FAM135B: variants seen among roughly 807,000 people sequenced by gnomAD.
FAM135B encodes protein FAM135B.
Under a neutral mutation model 127.7 loss-of-function variants are expected in FAM135B, and 43 were observed. The observed-to-expected ratio is 0.34, with a 90% confidence interval of 0.26 to 0.43. The LOEUF (loss-of-function observed/expected upper bound fraction) is 0.43. Among genes scored for constraint, FAM135B ranks in the 20% least tolerant of loss-of-function variants. FAM135B has a pLI of 1.00. For synonymous variants in FAM135B, 670 were observed against 665.1 expected, an observed-to-expected ratio of 1.01 and a Z score of -0.11; for missense variants, 1,558 against 1,725.6, an observed-to-expected ratio of 0.90 and a Z score of 1.72.
intron 1 of FAM135B, among the ~76,000 whole-genome samples, chr8:138,415,394 A>G (rs1436018594): frequency 6.6e-6 from 1 of 152,060 alleles, no homozygotes; most frequent in African/African-American, 2.4e-5. Flanking sequence ...ACCTCACAAC[A>G]CTCTCATAGC....
intron 1 of FAM135B, among the ~76,000 whole-genome samples, chr8:138,427,384 T>C (rs1834951915): frequency 6.6e-6 from 1 of 151,930 alleles, no homozygotes; most frequent in African/African-American, 2.4e-5. Flanking sequence ...CACTGAATTT[T>C]GAGACATGGC....
chr8:138,212,718 C>G (rs1402378891), intron 7 of FAM135B, among the ~76,000 whole-genome samples: 1 of 152,164 alleles, frequency 6.6e-6, no homozygotes, highest in Non-Finnish European at 1.5e-5. Flanking sequence ...CATTTTACTT[C>G]CATTTGTTCT....
At chr8:138,140,770 T>C (rs536744688) in intron 17 of FAM135B, among the ~76,000 whole-genome samples, 2 of 152,126 alleles carry the variant, frequency 1.3e-5, no homozygotes, top group South Asian at 2.1e-4. Flanking sequence ...CACACACACA[T>C]AACCTCCATT....
At chr8:138,383,693 C>A (rs1832009448) in intron 1 of FAM135B, among the ~76,000 whole-genome samples, 1 of 152,196 alleles carries the variant, frequency 6.6e-6, no homozygotes, top group Non-Finnish European at 1.5e-5. Flanking sequence ...TTAAGGAAGG[C>A]CATCTCTGTG....
intron 12 of FAM135B, among the ~76,000 whole-genome samples, chr8:138,164,853 T>C (rs577768096): frequency 6.6e-6 from 1 of 152,300 alleles, no homozygotes; most frequent in South Asian, 2.1e-4. Context: ...AAAATAAACT[T>C]TCTAAATTAA....
At chr8:138,474,516 G>C (rs1048850360) in intron 1 of FAM135B, among the ~76,000 whole-genome samples, 2 of 152,122 alleles carry the variant, frequency 1.3e-5, no homozygotes, top group African/African-American at 2.4e-5. Flanking sequence ...ATGCAAGCTT[G>C]TTGGGGACAT....
chr8:138,159,083 T>G (rs1819078353), intron 12 of FAM135B, among the ~76,000 whole-genome samples: 2 of 149,280 alleles, frequency 1.3e-5, no homozygotes, highest in African/African-American at 4.9e-5. Flanking sequence ...CCATCCTGGC[T>G]AACAAGGTGA....
At chr8:138,380,510 T>A (rs1831783943) in intron 1 of FAM135B, among the ~76,000 whole-genome samples, 1 of 152,126 alleles carries the variant, frequency 6.6e-6, no homozygotes. Context: ...TAGGTTTTAA[T>A]ACCTCACGCA....
intron 1 of FAM135B, among the ~76,000 whole-genome samples, chr8:138,424,215 G>C (rs1243841473): frequency 3.3e-5 from 5 of 152,156 alleles, no homozygotes; most frequent in African/African-American, 1.2e-4. Context: ...GAAATCACAA[G>C]GGTATTGATT....
intron 9 of FAM135B, among the ~76,000 whole-genome samples, chr8:138,186,211 G>A (rs760557960): frequency 1.3e-5 from 2 of 152,152 alleles, no homozygotes; most frequent in African/African-American, 2.4e-5. Flanking sequence ...CATCAGCAGG[G>A]TCCACCTTAT....
rs572742711 is a variant in FAM135B, at chr8:138,133,268, A to T, written c.4016-470T>A. Among the ~76,000 whole-genome samples the T allele has an allele frequency of 3.9e-5, 6 of 152,324 alleles. No individual in the cohort carries two copies. The South Asian group carries it at 6.2e-4, about 16-fold the overall frequency. ...ATTTCACCCGACTCCTCTGATTCCA[A>T]AGAAGGAGAATGCAGTTTTCTTTAT... On this transcript the variant is annotated intron_variant, in intron 19 of 19. Transcript: ENST00000395297.
intron 1 of FAM135B, among the ~76,000 whole-genome samples, chr8:138,410,837 C>A (rs185885436): frequency 6.6e-6 from 1 of 152,090 alleles, no homozygotes. Context: ...TGTACTTATA[C>A]GCCAACAACA....
intron 2 of FAM135B, among the ~76,000 whole-genome samples, chr8:138,355,561 G>A (rs1437005317): frequency 6.6e-6 from 1 of 152,104 alleles, no homozygotes; most frequent in Non-Finnish European, 1.5e-5. Context: ...CTTTTATTAT[G>A]GAAATGTGAG....
intron 1 of FAM135B, among the ~76,000 whole-genome samples, chr8:138,379,166 T>C (rs762019366): frequency 6.6e-6 from 1 of 152,168 alleles, no homozygotes; most frequent in Non-Finnish European, 1.5e-5. Flanking sequence ...ACAAGGAGCA[T>C]ACTGTCTCCA....
At chr8:138,367,701 TTCTAG>T (rs1245239980) in intron 2 of FAM135B, among the ~76,000 whole-genome samples, 1 of 152,036 alleles carries the variant, frequency 6.6e-6, no homozygotes, top group African/African-American at 2.4e-5. Context: ...AATTAGCACT[TTCTAG>T]TCTCTGTCAA....
intron 1 of FAM135B, among the ~76,000 whole-genome samples, chr8:138,475,920 T>A (rs562672569): frequency 1.3e-5 from 2 of 152,226 alleles, no homozygotes; most frequent in Non-Finnish European, 2.9e-5. Context: ...TGAATGTTTA[T>A]AGTAGCTTTA....
At chr8:138,197,769 T>C (rs919632599) in intron 7 of FAM135B, 100 bp from the exon 8 acceptor site, 16 of 1,343,990 alleles carry the variant, frequency 1.2e-5, no homozygotes, top group Non-Finnish European at 1.6e-5. Flanking sequence ...ATTCACAAAA[T>C]GTTTGGAGGT....
intron 7 of FAM135B, among the ~76,000 whole-genome samples, chr8:138,231,316 T>C (rs1438527899): frequency 6.6e-6 from 1 of 152,184 alleles, no homozygotes; most frequent in Non-Finnish European, 1.5e-5. Context: ...CCACTGCTCC[T>C]GTCCTCAAGA....
At chr8:138,276,751 G>A (rs1179765088) in intron 3 of FAM135B, among the ~76,000 whole-genome samples, 2 of 152,184 alleles carry the variant, frequency 1.3e-5, no homozygotes, top group Admixed American at 1.3e-4. Flanking sequence ...CACCAGGGTT[G>A]CACTTGCAGT....
Sources: allele counts gnomAD v4.1 joint callset (sites outside exome capture counted in the v4.1 genomes callset), GRCh38; gene constraint gnomAD v4.1.1; transcripts MANE v1.5; gene names NCBI Gene and HGNC (gene_info 2026-07-23, HGNC 2026-07-21).